The following ZFPM2 variants were observed in gnomAD, a reference collection of about 807,000 sequenced individuals.
ZFPM2 encodes the protein zinc finger protein, FOG family member 2.
Under a neutral mutation model 98.6 loss-of-function variants are expected in ZFPM2, and 20 were observed. The observed-to-expected ratio is 0.20, with a 90% confidence interval of 0.14 to 0.29. The LOEUF (loss-of-function observed/expected upper bound fraction) is 0.29, where lower values mean the gene tolerates loss of function less well. ZFPM2 is among the 10% of genes least tolerant of loss of function. ZFPM2 has a pLI of 1.00. For missense variants in ZFPM2, 1,310 were observed against 1,388.6 expected, an observed-to-expected ratio of 0.94 and a Z score of 0.90; for synonymous variants, 518 against 502.7, an observed-to-expected ratio of 1.03 and a Z score of -0.41.
At chr8:105,757,879 T>C (rs1812640502) in intron 5 of ZFPM2, among the ~76,000 whole-genome samples, 2 of 152,132 alleles carry the variant, frequency 1.3e-5, no homozygotes, top group African/African-American at 4.8e-5. Context: ...GTACCCACTT[T>C]CCTCATTGTT....
intron 2 of ZFPM2, among the ~76,000 whole-genome samples, chr8:105,440,178 A>T (rs1468776974): frequency 6.6e-6 from 1 of 152,144 alleles, no homozygotes; most frequent in Non-Finnish European, 1.5e-5. Flanking sequence ...ATACAAAGCA[A>T]TGAGATAGAA....
chr8:105,357,515 C>T (rs2129741974), intron 1 of ZFPM2, among the ~76,000 whole-genome samples: 1 of 152,180 alleles, frequency 6.6e-6, no homozygotes, highest in Non-Finnish European at 1.5e-5. Context: ...TAAAATCAGA[C>T]TACAAATTTA....
chr8:105,778,946 T>C (rs1285215758), intron 5 of ZFPM2, among the ~76,000 whole-genome samples: 5 of 151,970 alleles, frequency 3.3e-5, no homozygotes, highest in African/African-American at 1.2e-4. Flanking sequence ...TTTTCCCTAT[T>C]AAATATCTGA....
intron 3 of ZFPM2, among the ~76,000 whole-genome samples, chr8:105,458,603 TAATATAAA>T (rs1812643848): frequency 6.6e-6 from 1 of 152,190 alleles, no homozygotes; most frequent in African/African-American, 2.4e-5. Flanking sequence ...ATATGCCAAA[TAATATAAA>T]AATGATCGAG....
chr8:105,354,885 C>T (rs1412672567), intron 1 of ZFPM2, among the ~76,000 whole-genome samples: 4 of 151,902 alleles, frequency 2.6e-5, no homozygotes, highest in East Asian at 3.9e-4. Context: ...ACCCGGGTGG[C>T]GGAGCTTGAA....
intron 1 of ZFPM2, among the ~76,000 whole-genome samples, chr8:105,351,400 T>C (rs1435310286): frequency 1.3e-5 from 2 of 151,798 alleles, no homozygotes; most frequent in Admixed American, 6.6e-5. Flanking sequence ...TGTGTGTGTA[T>C]GTAAATATTT....
intron 1 of ZFPM2, among the ~76,000 whole-genome samples, chr8:105,359,367 C>CTTT (rs111675257): frequency 3.7e-5 from 5 of 135,340 alleles, no homozygotes; most frequent in Admixed American, 7.6e-5. Context: ...CTTTTTCTTT[C>CTTT]TTTTTTTTTT....
At chr8:105,383,865 A>AT (rs1563632849) in intron 1 of ZFPM2, among the ~76,000 whole-genome samples, 1 of 152,182 alleles carries the variant, frequency 6.6e-6, no homozygotes, top group Non-Finnish European at 1.5e-5. Context: ...ATATTAACTC[A>AT]TTTTAAAAAA....
At chr8:105,356,100 C>T (rs933859793) in intron 1 of ZFPM2, among the ~76,000 whole-genome samples, 1 of 152,168 alleles carries the variant, frequency 6.6e-6, no homozygotes, top group Non-Finnish European at 1.5e-5. Flanking sequence ...GGAATTGTAA[C>T]AAACACAGTG....
chr8:105,705,025 G>A (rs1268495615), intron 5 of ZFPM2, among the ~76,000 whole-genome samples: 1 of 152,060 alleles, frequency 6.6e-6, no homozygotes, highest in Non-Finnish European at 1.5e-5. Context: ...GAGAGCATTT[G>A]TAAAATCTAA....
chr8:105,724,218 T>A (rs1424177459), intron 5 of ZFPM2, among the ~76,000 whole-genome samples: 2 of 151,914 alleles, frequency 1.3e-5, no homozygotes, highest in Non-Finnish European at 2.9e-5. Flanking sequence ...GTGCAAGATT[T>A]CTATGCCTGC....
At chr8:105,799,909 C>A (rs1813950096) in intron 7 of ZFPM2, among the ~76,000 whole-genome samples, 1 of 152,148 alleles carries the variant, frequency 6.6e-6, no homozygotes, top group Admixed American at 6.5e-5. Flanking sequence ...ACAGTTCAAG[C>A]TTTTGTCTTT....
At chr8:105,539,069 A>G (rs1427795354) in intron 3 of ZFPM2, among the ~76,000 whole-genome samples, 2 of 152,014 alleles carry the variant, frequency 1.3e-5, no homozygotes, top group East Asian at 1.9e-4. Context: ...AAACAAAACA[A>G]TGAGATGGTT....
chr8:105,447,058 T>G (rs1199524212), intron 3 of ZFPM2, among the ~76,000 whole-genome samples: 1 of 152,084 alleles, frequency 6.6e-6, no homozygotes, highest in Non-Finnish European at 1.5e-5. Context: ...TGTGCAACTT[T>G]TAGTGACAGT....
At position 105,405,181 on chromosome 8, in the gene ZFPM2, T is replaced by C. The variant is rs138419903; in HGVS notation, c.41-13963T>C. On this transcript the variant is annotated intron_variant, in intron 1 of 7. Coordinates refer to ENST00000407775, the MANE Select transcript of ZFPM2 (RefSeq NM_012082.4). ...AGAACCCCAGGTAGGACAAGGGTGT[T>C]CCTGAGCAAAGTAGACATAAAATAT... Among the ~76,000 whole-genome samples the C allele has an allele frequency of 2.6e-3, 391 of 152,172 alleles. 1 individual carries two copies. Among genetic ancestry groups the C allele is most frequent in the African/African-American group, 9.0e-3 (372 of 41,546 alleles).
intron 5 of ZFPM2, among the ~76,000 whole-genome samples, chr8:105,701,857 T>A (rs1308793562): frequency 1.3e-5 from 2 of 152,178 alleles, no homozygotes; most frequent in Non-Finnish European, 2.9e-5. Flanking sequence ...CATAAACAAA[T>A]CACCAGTCAA....
intron 1 of ZFPM2, among the ~76,000 whole-genome samples, chr8:105,344,893 A>G (rs1165035296): frequency 6.6e-6 from 1 of 152,170 alleles, no homozygotes; most frequent in East Asian, 1.9e-4. Flanking sequence ...TTACAACTTT[A>G]TATGCGTGGA....
At chr8:105,488,481 G>A (rs1395979253) in intron 3 of ZFPM2, among the ~76,000 whole-genome samples, 2 of 152,186 alleles carry the variant, frequency 1.3e-5, no homozygotes. Context: ...TTAAGTAACA[G>A]CCGGGCGCGG....
Position 105,526,437 on chromosome 8 carries a change from G to A in ZFPM2, c.302-34926G>A, listed in dbSNP as rs1264469925. Reference sequence around the variant, plus strand: ...TAGACACAGGTAAGTGCTCAAATCTGATATGAAGAGAAGATACTCAACTGC... The same window carrying A: ...TAGACACAGGTAAGTGCTCAAATCTAATATGAAGAGAAGATACTCAACTGC... On this transcript the variant is annotated intron_variant, in intron 3 of 7. Coordinates refer to ENST00000407775, the MANE Select transcript of ZFPM2 (RefSeq NM_012082.4). Among the ~76,000 whole-genome samples, 3 of 152,140 alleles carry A rather than the reference G, an allele frequency of 2.0e-5. No individual in the cohort carries two copies. The East Asian group carries it at 5.8e-4, about 29-fold the overall frequency.
Sources: gnomAD v4.1 joint callset for allele counts (sites outside exome capture counted in the v4.1 genomes callset) on GRCh38, gnomAD v4.1.1 for gene constraint, MANE v1.5 for transcripts, NCBI Gene and HGNC (gene_info 2026-07-23, HGNC 2026-07-21) for gene names.